The following DCLK2 variants were observed in gnomAD, a reference collection of about 807,000 sequenced individuals.
The protein encoded by DCLK2 is serine/threonine-protein kinase DCLK2.
In DCLK2, 31 loss-of-function variants were observed where a neutral mutation model predicts 78.4. That is an observed-to-expected ratio of 0.40 (90% confidence interval 0.30 to 0.53). The LOEUF is 0.53. Ranked by LOEUF, DCLK2 falls within the 20% of genes least tolerant of loss-of-function variation. The pLI is 0.61. For synonymous variants in DCLK2, 407 were observed against 374.9 expected (o/e 1.09, Z -0.99); for missense variants, 872 against 973.7 (o/e 0.90, Z 1.39).
intron 1 of DCLK2, among the ~76,000 whole-genome samples, chr4:150,084,544 C>T (rs1057036628): frequency 2.6e-5 from 4 of 151,918 alleles, no homozygotes; most frequent in Non-Finnish European, 4.4e-5. Context: ...AGCTCTTTCC[C>T]GAGGTAAGAG....
In DCLK2 at chr4:150,256,099, T is replaced by TGC; in HGVS notation, c.2153_2154insGC (p.Ile718MetfsTer183). On this transcript the variant is annotated frameshift_variant, in exon 16 of 16. Transcript: ENST00000296550. LOFTEE classifies it low-confidence loss of function (END_TRUNC). ...AGCGGCAGGCCTGGGATGGAGCCCA[T>TGC]CTCTCCAGTTCCTCCCTCAGTGGAG... is the stretch of plus-strand genomic sequence containing the variant. The TGC allele has an allele frequency of 6.2e-7, 1 of 1,612,312 alleles. No individual in the cohort carries two copies. The highest frequency in any genetic ancestry group is 8.5e-7 in the Non-Finnish European group (1 of 1,179,792).
intron 2 of DCLK2, among the ~76,000 whole-genome samples, chr4:150,109,233 C>T (rs1179270377): frequency 6.6e-6 from 1 of 151,984 alleles, no homozygotes; most frequent in Non-Finnish European, 1.5e-5. Flanking sequence ...TATTCATAAA[C>T]ATTTTCTACA....
chr4:150,163,018 T>G (rs560748175), intron 2 of DCLK2, among the ~76,000 whole-genome samples: 1 of 152,220 alleles, frequency 6.6e-6, no homozygotes, highest in Non-Finnish European at 1.5e-5. Flanking sequence ...CAACACATCT[T>G]TCTTTCTTCC....
At chr4:150,232,610 A>G (rs1050303426) in intron 9 of DCLK2, 72 bp from the exon 10 acceptor site, 26 of 1,554,118 alleles carry the variant, frequency 1.7e-5, no homozygotes, top group Non-Finnish European at 2.1e-5. Context: ...CTTTATGCCA[A>G]TGAGCCATCT....
At chr4:150,186,577 A>G (rs1427695332) in intron 2 of DCLK2, among the ~76,000 whole-genome samples, 3 of 152,224 alleles carry the variant, frequency 2.0e-5, no homozygotes, top group African/African-American at 7.2e-5. Flanking sequence ...CTGGCATATT[A>G]TAGTAGGCAC....
Position 150,200,564 on chromosome 4 carries a change from C to A in DCLK2, c.961+2461C>A, listed in dbSNP as rs148307387. ...GAAGAGGATTTTGTATTATTAAAAG[C>A]CATGGTACCCAGGAGTGCTTTTACA... is the stretch of plus-strand genomic sequence containing the variant. On this transcript the variant is annotated intron_variant, in intron 4 of 15. Transcript: ENST00000296550. Among the ~76,000 whole-genome samples the A allele has an allele frequency of 3.9e-5, 6 of 152,286 alleles. No homozygotes were observed. The East Asian group carries it at 1.2e-3, about 29-fold the overall frequency.
chr4:150,223,498 C>T (rs1472875865), intron 7 of DCLK2, among the ~76,000 whole-genome samples: 2 of 152,170 alleles, frequency 1.3e-5, no homozygotes, highest in Non-Finnish European at 2.9e-5. Context: ...AATCCCAGCA[C>T]TTTGGGAGGC....
At chr4:150,159,562 G>A (rs142087336) in intron 2 of DCLK2, among the ~76,000 whole-genome samples, 23 of 152,366 alleles carry the variant, frequency 1.5e-4, no homozygotes, top group African/African-American at 5.3e-4. Context: ...AGCTGAGAGT[G>A]TGGGCTTCTC....
At chr4:150,163,576 C>T (rs1428750520) in intron 2 of DCLK2, among the ~76,000 whole-genome samples, 1 of 152,096 alleles carries the variant, frequency 6.6e-6, no homozygotes, top group East Asian at 1.9e-4. Flanking sequence ...GAGCCCATTT[C>T]CTTGTCTATA....
chr4:150,200,723 G>A (rs1739388998), intron 4 of DCLK2, among the ~76,000 whole-genome samples: 1 of 152,218 alleles, frequency 6.6e-6, no homozygotes, highest in Non-Finnish European at 1.5e-5. Context: ...CCTAAATGAA[G>A]TCTTGAGACT....
rs560487951 is a variant in DCLK2 at position 150,257,090 on chromosome 4, G to C, written c.*843G>C. ...CCAGCGGCTGCTTCCCTGCAAGCCA[G>C]CGACTTGCCGAGCAGAATGAGCTCT... On this transcript the variant is annotated 3_prime_UTR_variant, in exon 16 of 16. Transcript: ENST00000296550. The C allele has an allele frequency of 6.6e-6, 1 of 152,358 alleles. No homozygotes were observed. The highest frequency in any genetic ancestry group is 1.5e-5 in the Non-Finnish European group (1 of 68,068). 9.4% of individuals were successfully genotyped at this position (152,358 alleles called of 1,614,324 possible). A position where few individuals can be genotyped will look rare whatever the true frequency, so the allele number is the denominator to read the frequency against.
At chr4:150,224,800 A>G (rs1741473570) in intron 8 of DCLK2, among the ~76,000 whole-genome samples, 4 of 152,184 alleles carry the variant, frequency 2.6e-5, no homozygotes, top group African/African-American at 9.7e-5. Flanking sequence ...TTTCTCTGGG[A>G]GATACCTATT....
At position 150,079,138 on chromosome 4, in the gene DCLK2, G is replaced by A. The variant is rs1272805570; in HGVS notation, c.111G>A (p.Ser37=). ...APSSSGGSSS[S]GPKGNGLIPS... is the part of the protein sequence containing the mutation. Reference sequence around the variant, plus strand: ...GCTCCTCCGGGGGCAGCAGCAGCTCGGGCCCCAAGGGGAACGGGCTCATCC... The same window carrying A: ...GCTCCTCCGGGGGCAGCAGCAGCTCAGGCCCCAAGGGGAACGGGCTCATCC... The change falls in exon 1 of 16, where the codon TCG becomes TCA. Residue 37 remains serine (S), a synonymous_variant. Coordinates refer to ENST00000296550, the MANE Select transcript of DCLK2 (RefSeq NM_001040260.4). 1.9e-6 allele frequency: 3 copies of A among 1,589,758 alleles called. No homozygotes were observed. Among genetic ancestry groups the A allele is most frequent in the African/African-American group, 1.3e-5 (1 of 74,166 alleles).
chr4:150,102,953 ATGTGTG>A, intron 2 of DCLK2, 141 bp downstream of exon 2: 1 of 662,794 alleles, frequency 1.5e-6, no homozygotes, highest in Non-Finnish European at 2.4e-6. Flanking sequence ...GTGTGTGTGT[ATGTGTG>A]TGTGTGTGTA....
intron 2 of DCLK2, among the ~76,000 whole-genome samples, chr4:150,179,091 G>A (rs6535714): frequency 0.62 from 94,860 of 151,826 alleles, 31,239 homozygotes; most frequent in South Asian, 0.79. Flanking sequence ...GCAGTGGCGC[G>A]ATCTCGGCTC....
At chr4:150,140,847 T>G (rs1734061557) in intron 2 of DCLK2, among the ~76,000 whole-genome samples, 1 of 152,242 alleles carries the variant, frequency 6.6e-6, no homozygotes. Context: ...TAACTAACTG[T>G]ATTTGTGTAC....
intron 2 of DCLK2, among the ~76,000 whole-genome samples, chr4:150,145,776 T>G (rs141421653): frequency 1.3e-5 from 2 of 152,352 alleles, no homozygotes; most frequent in Non-Finnish European, 2.9e-5. Context: ...TACTATGTGC[T>G]TAGAGTTGGA....
At chr4:150,162,951 A>G (rs187338035) in intron 2 of DCLK2, among the ~76,000 whole-genome samples, 96 of 152,312 alleles carry the variant, frequency 6.3e-4, no homozygotes, top group African/African-American at 2.2e-3. Context: ...TTACTATTTA[A>G]TATGACATTA....
intron 1 of DCLK2, among the ~76,000 whole-genome samples, chr4:150,083,142 C>T (rs2150129274): frequency 6.6e-6 from 1 of 152,274 alleles, no homozygotes; most frequent in South Asian, 2.1e-4. Flanking sequence ...CTGCCATTCC[C>T]TAGCCAGAAC....
Sources: gnomAD v4.1 joint callset for allele counts (sites outside exome capture counted in the v4.1 genomes callset) on GRCh38, gnomAD v4.1.1 for gene constraint, MANE v1.5 for transcripts, NCBI Gene and HGNC (gene_info 2026-07-23, HGNC 2026-07-21) for gene names.